DIAPH3: variants seen among roughly 807,000 people sequenced by gnomAD.
The protein encoded by DIAPH3 is diaphanous related formin 3, also known as protein diaphanous homolog 3.
Under a neutral mutation model 144.3 loss-of-function variants are expected in DIAPH3, and 117 were observed. The ratio of observed to expected loss-of-function variants is 0.81; its 90% confidence interval spans 0.70 to 0.95. The LOEUF (loss-of-function observed/expected upper bound fraction) is 0.95, where lower values mean the gene tolerates loss of function less well. DIAPH3 is among the 40% of genes least tolerant of loss of function. The pLI, the probability that DIAPH3 is intolerant of heterozygous loss-of-function variation, is 0.00. For synonymous variants in DIAPH3, 519 were observed against 488.9 expected (o/e 1.06, Z -0.81); for missense variants, 1,421 against 1,412.7 (o/e 1.01, Z -0.09).
intron 23 of DIAPH3, among the ~76,000 whole-genome samples, chr13:59,834,896 G>A (rs2041964980): frequency 6.6e-6 from 1 of 151,588 alleles, no homozygotes; most frequent in Non-Finnish European, 1.5e-5. Flanking sequence ...TAGAATCACT[G>A]TCATCTTCCC....
At chr13:59,912,910 TA>T (rs1169881728) in intron 19 of DIAPH3, among the ~76,000 whole-genome samples, 1 of 152,070 alleles carries the variant, frequency 6.6e-6, no homozygotes, top group African/African-American at 2.4e-5. Flanking sequence ...AAAACTTGGT[TA>T]ACTGGCCAAA....
chr13:59,869,111 C>T (rs1449960265), intron 21 of DIAPH3, among the ~76,000 whole-genome samples: 3 of 152,056 alleles, frequency 2.0e-5, no homozygotes, highest in South Asian at 2.1e-4. Context: ...GTTTGTTCTA[C>T]GTGTAGCTTT....
intron 1 of DIAPH3, among the ~76,000 whole-genome samples, chr13:60,154,971 G>C (rs963129517): frequency 6.6e-6 from 1 of 152,146 alleles, no homozygotes; most frequent in African/African-American, 2.4e-5. Context: ...TTAGACACAT[G>C]TTAATTTACA....
intron 27 of DIAPH3, among the ~76,000 whole-genome samples, chr13:59,668,905 A>G (rs1566165768): frequency 6.6e-6 from 1 of 151,986 alleles, no homozygotes; most frequent in Non-Finnish European, 1.5e-5. Flanking sequence ...AATAGCCTGT[A>G]TTTTGTTGCA....
chr13:59,992,325 A>G (rs1350837430), intron 10 of DIAPH3, 139 bp from the exon 11 acceptor site: 1 of 1,002,640 alleles, frequency 1.0e-6, no homozygotes, highest in Non-Finnish European at 1.5e-6. Flanking sequence ...TAACACTCGA[A>G]TCTTATCATC....
chr13:60,096,636 C>A (rs1223893346), intron 3 of DIAPH3, among the ~76,000 whole-genome samples: 1 of 152,196 alleles, frequency 6.6e-6, no homozygotes, highest in Non-Finnish European at 1.5e-5. Context: ...CAGGCACCAT[C>A]TAATCAGCTG....
chr13:59,720,074 T>C lies in DIAPH3; in HGVS notation c.3320-53228A>G, dbSNP rs189261268. ...TGATTTTGCTGTCATGGGAACATTA[T>C]AGACTATACTTACATAATCGATATA... On this transcript the variant is annotated intron_variant, in intron 27 of 27. Coordinates refer to ENST00000400324, the MANE Select transcript of DIAPH3 (RefSeq NM_001042517.2). Among the ~76,000 whole-genome samples, 294 of 152,274 alleles carry C rather than the reference T, an allele frequency of 1.9e-3. 2 individuals carry two copies. The highest frequency in any genetic ancestry group is 6.8e-3 in the African/African-American group (281 of 41,556).
intron 27 of DIAPH3, among the ~76,000 whole-genome samples, chr13:59,763,289 CATATATGTATATACATGTGT>C (rs979506470): frequency 2.3e-5 from 3 of 130,658 alleles, no homozygotes; most frequent in African/African-American, 6.2e-5. Flanking sequence ...CATATATTCA[CATATATGTATATACATGTGT>C]ATATATGTAT....
intron 4 of DIAPH3, among the ~76,000 whole-genome samples, chr13:60,072,684 A>T (rs1373996348): frequency 6.6e-6 from 1 of 152,200 alleles, no homozygotes; most frequent in Non-Finnish European, 1.5e-5. Context: ...AAAAAGTTGA[A>T]ACACAATCCA....
chr13:60,083,351 C>T (rs2057629437), intron 4 of DIAPH3, among the ~76,000 whole-genome samples: 1 of 151,932 alleles, frequency 6.6e-6, no homozygotes, highest in Non-Finnish European at 1.5e-5. Context: ...GCTAACCAAA[C>T]AGTATTTGAG....
At chr13:60,151,852 A>G (rs138106250) in intron 1 of DIAPH3, among the ~76,000 whole-genome samples, 269 of 152,302 alleles carry the variant, frequency 1.8e-3, no homozygotes, top group African/African-American at 6.0e-3. Context: ...TGAATTTCTC[A>G]ATGCAGATTA....
chr13:59,707,253 C>A (rs529906783), intron 27 of DIAPH3, among the ~76,000 whole-genome samples: 45 of 152,034 alleles, frequency 3.0e-4, no homozygotes, highest in Admixed American at 6.5e-4. Flanking sequence ...AGAACAATAC[C>A]TTGAGGGGAA....
At chr13:59,938,956 T>C (rs2048389272) in intron 17 of DIAPH3, among the ~76,000 whole-genome samples, 1 of 152,168 alleles carries the variant, frequency 6.6e-6, no homozygotes, top group Non-Finnish European at 1.5e-5. Flanking sequence ...TAAAATTTTG[T>C]TATGTATTCT....
chr13:59,799,391 AC>A (rs1290127115), intron 25 of DIAPH3, among the ~76,000 whole-genome samples: 2 of 150,938 alleles, frequency 1.3e-5, no homozygotes, highest in Admixed American at 6.6e-5. Context: ...ACACACACAC[AC>A]ACACACACAC....
chr13:60,021,298 G>A (rs1208445715), intron 5 of DIAPH3, among the ~76,000 whole-genome samples: 2 of 152,180 alleles, frequency 1.3e-5, no homozygotes, highest in South Asian at 4.1e-4. Context: ...TTCCCAGCTT[G>A]GTTAGAGAGA....
rs2140297577 is a variant in DIAPH3, at chr13:59,923,501, A to G, written c.2170+1274T>C. Among the ~76,000 whole-genome samples, 4 of 152,286 alleles carry G rather than the reference A, an allele frequency of 2.6e-5. 1 individual carries two copies. The Middle Eastern group carries it at 0.014, about 518-fold the overall frequency. On this transcript the variant is annotated intron_variant, in intron 18 of 27. Transcript: ENST00000400324. ...ACAAATTATTTCTCATGAAGACCAT[A>G]TGTTCATCACACCAGTTTCTGTTAA...
chr13:59,936,881 C>T (rs927394877), intron 17 of DIAPH3, among the ~76,000 whole-genome samples: 13 of 151,970 alleles, frequency 8.6e-5, no homozygotes, highest in Non-Finnish European at 1.9e-4. Context: ...TTAATTTGTC[C>T]AGCTGGGCAC....
rs760815388 is a variant in DIAPH3 at position 59,810,827 on chromosome 13, G to T, written c.3124C>A (p.Arg1042Ser). 1.9e-5 allele frequency: 31 copies of T among 1,613,356 alleles called. No individual in the cohort carries two copies. The highest frequency in any genetic ancestry group is 2.5e-5 in the Non-Finnish European group (30 of 1,179,902). The stretch of plus-strand genomic sequence containing the variant: ...AATAAACGCTTTTTCTTTTGTTGGC[G>T]TTCGAGTCTTTCTCGCTCTGCTAAT... ...KELAERERLERQQKKKRLLEM... is the reference protein window; with the variant it reads ...KELAERERLESQQKKKRLLEM... Residue 1042 changes from arginine to serine, a missense_variant, in exon 25 of 28, where the codon CGC becomes AGC. Transcript: ENST00000400324.
At chr13:59,670,353 C>G (rs963264030) in intron 27 of DIAPH3, among the ~76,000 whole-genome samples, 2 of 152,138 alleles carry the variant, frequency 1.3e-5, no homozygotes, top group Non-Finnish European at 2.9e-5. Context: ...TCCTAGATAA[C>G]AACTCTTCAT....
Sources: gnomAD v4.1 joint callset for allele counts (sites outside exome capture counted in the v4.1 genomes callset) on GRCh38, gnomAD v4.1.1 for gene constraint, MANE v1.5 for transcripts, NCBI Gene and HGNC (gene_info 2026-07-23, HGNC 2026-07-21) for gene names.